CCDC178: variants seen among roughly 807,000 people sequenced by gnomAD.
CCDC178 encodes the protein coiled-coil domain containing 178.
In CCDC178, 126 loss-of-function variants were observed where a neutral mutation model predicts 117.4. That is an observed-to-expected ratio of 1.07 (90% CI 0.93 to 1.24). CCDC178 has a LOEUF of 1.24. CCDC178 is among the 50% of genes most tolerant of loss of function. The pLI is 0.00. For missense variants in CCDC178, 1,030 were observed against 986.9 expected (o/e 1.04, Z -0.59); for synonymous variants, 283 against 313.4 (o/e 0.90, Z 1.02).
At chr18:33,279,955 G>C (rs1313168995) in intron 12 of CCDC178, among the ~76,000 whole-genome samples, 1 of 151,974 alleles carries the variant, frequency 6.6e-6, no homozygotes, top group Non-Finnish European at 1.5e-5. Flanking sequence ...ATTAATTAAA[G>C]ACGGATTAAA....
In CCDC178 at chr18:33,346,112, C is replaced by T. The variant is rs2062888912; in HGVS notation, c.658+99G>A. On this transcript the variant is annotated intron_variant, in intron 9 of 22. Transcript: ENST00000383096. ...AAAGCGTGGGATTACAGGCATGAGC[C>T]ATGGCACTAAGACAATTTTTTTAAA... 3 of 866,440 alleles carry T rather than the reference C, an allele frequency of 3.5e-6. No homozygotes were observed. The Admixed American group carries it at 8.1e-5, about 23-fold the overall frequency. The allele number at this position is 866,440 out of a possible 1,614,324, so 53.7% of individuals were successfully genotyped here.
intron 21 of CCDC178, among the ~76,000 whole-genome samples, chr18:32,988,029 A>T (rs2055300570): frequency 6.6e-6 from 1 of 151,390 alleles, no homozygotes; most frequent in South Asian, 2.1e-4. Flanking sequence ...GTGAGCGGAG[A>T]TTGTGCCATT....
At chr18:33,190,412 C>A (rs938927049) in intron 20 of CCDC178, among the ~76,000 whole-genome samples, 2 of 152,142 alleles carry the variant, frequency 1.3e-5, no homozygotes, top group Non-Finnish European at 2.9e-5. Context: ...GAGGCCCACA[C>A]TATTGAGCAG....
chr18:33,190,123 C>A (rs2058840465), intron 20 of CCDC178, among the ~76,000 whole-genome samples: 1 of 152,144 alleles, frequency 6.6e-6, no homozygotes, highest in Non-Finnish European at 1.5e-5. Context: ...TGAGCCCCCG[C>A]TTCATGGTTC....
Position 33,121,497 on chromosome 18 carries a change from T to TA in CCDC178, c.2239-28588dup, listed in dbSNP as rs2057936983. On this transcript the variant is annotated intron_variant, in intron 20 of 22. Coordinates refer to ENST00000383096, the MANE Select transcript of CCDC178 (RefSeq NM_001105528.4). ...CTACAGAAATCAACATAGACACAGATATAGACATAGACATGGATCGATATT... is the reference window on the plus strand; with the variant it reads ...CTACAGAAATCAACATAGACACAGATAATAGACATAGACATGGATCGATATT... Among the ~76,000 whole-genome samples, 5 of 152,284 alleles carry TA rather than the reference T, an allele frequency of 3.3e-5. No homozygotes were observed. The South Asian group carries it at 8.3e-4, about 25-fold the overall frequency.
intron 21 of CCDC178, among the ~76,000 whole-genome samples, chr18:33,007,814 A>T (rs1411750211): frequency 1.3e-5 from 2 of 152,144 alleles, no homozygotes; most frequent in African/African-American, 2.4e-5. Context: ...ACAAGGGCTG[A>T]ATTTTTCACC....
intron 21 of CCDC178, among the ~76,000 whole-genome samples, chr18:33,033,255 G>T (rs1440284637): frequency 6.6e-6 from 1 of 152,038 alleles, no homozygotes; most frequent in Non-Finnish European, 1.5e-5. Context: ...TTAAATTTTG[G>T]TTTTTGTAGA....
chr18:32,966,065 T>A (rs1250333937), intron 22 of CCDC178, among the ~76,000 whole-genome samples: 1 of 151,334 alleles, frequency 6.6e-6, no homozygotes, highest in African/African-American at 2.4e-5. Flanking sequence ...TACAACATTT[T>A]ATATTTTAAA....
chr18:33,040,630 T>A (rs1386953543), intron 21 of CCDC178, among the ~76,000 whole-genome samples: 1 of 151,848 alleles, frequency 6.6e-6, no homozygotes, highest in Non-Finnish European at 1.5e-5. Context: ...CTCCAAGCCA[T>A]TTAGGAAGGA....
chr18:33,058,195 C>T (rs970271445), intron 21 of CCDC178, among the ~76,000 whole-genome samples: 7 of 152,216 alleles, frequency 4.6e-5, no homozygotes, highest in Middle Eastern at 3.4e-3. Context: ...TACACAAAGA[C>T]ATGAATGTTG....
chr18:33,114,392 T>G (rs897018926), intron 20 of CCDC178, among the ~76,000 whole-genome samples: 1 of 151,826 alleles, frequency 6.6e-6, no homozygotes, highest in Non-Finnish European at 1.5e-5. Context: ...GAACTTGGGG[T>G]CTGTAAGGAA....
At chr18:33,263,249 G>A (rs1035750104) in intron 14 of CCDC178, among the ~76,000 whole-genome samples, 1 of 152,098 alleles carries the variant, frequency 6.6e-6, no homozygotes, top group African/African-American at 2.4e-5. Flanking sequence ...TAGAGATGAA[G>A]TGGGAGTTTT....
chr18:33,220,906 C>T (rs1023059123), intron 18 of CCDC178, among the ~76,000 whole-genome samples: 2 of 151,912 alleles, frequency 1.3e-5, no homozygotes, highest in Non-Finnish European at 2.9e-5. Flanking sequence ...TTCTAGTGTG[C>T]GAGAAGTGCC....
chr18:33,244,101 T>TG (rs1050207802), intron 15 of CCDC178, among the ~76,000 whole-genome samples: 3 of 151,948 alleles, frequency 2.0e-5, no homozygotes, highest in Non-Finnish European at 4.4e-5. Context: ...GGATTCAATG[T>TG]GGGAAAAACA....
intron 20 of CCDC178, among the ~76,000 whole-genome samples, chr18:33,112,329 G>C (rs2057794780): frequency 2.0e-5 from 3 of 151,804 alleles, no homozygotes; most frequent in South Asian, 2.1e-4. Flanking sequence ...AATTTTGTTA[G>C]ATAAAGTAAC....
At chr18:33,208,965 G>A (rs1263101765) in intron 20 of CCDC178, among the ~76,000 whole-genome samples, 1 of 151,980 alleles carries the variant, frequency 6.6e-6, no homozygotes, top group Admixed American at 6.6e-5. Flanking sequence ...AGAGGGGACA[G>A]CAAATCTATG....
chr18:33,091,821 T>C lies in CCDC178; in HGVS notation c.2388+940A>G, dbSNP rs201055993. On this transcript the variant is annotated intron_variant, in intron 21 of 22. Coordinates refer to ENST00000383096, the MANE Select transcript of CCDC178 (RefSeq NM_001105528.4). The stretch of plus-strand genomic sequence containing the variant: ...AGTAACTTATTATGAATGGCTCTTT[T>C]TTATTACTTACAAAGTACTCTGTGA... Among the ~76,000 whole-genome samples, 16 of 152,262 alleles carry C rather than the reference T, an allele frequency of 1.1e-4. No homozygotes were observed. In the East Asian group the frequency reaches 1.9e-3, roughly 18 times the overall value.
intron 10 of CCDC178, among the ~76,000 whole-genome samples, chr18:33,328,453 C>A (rs2062618843): frequency 6.6e-6 from 1 of 151,920 alleles, no homozygotes; most frequent in African/African-American, 2.4e-5. Flanking sequence ...ATATTTATGT[C>A]TTTGATTCAT....
intron 21 of CCDC178, among the ~76,000 whole-genome samples, chr18:32,980,510 G>T (rs2055130129): frequency 7.4e-6 from 1 of 135,040 alleles, no homozygotes; most frequent in South Asian, 2.5e-4. Flanking sequence ...GGCGGAGCTT[G>T]CAGTGAGCGG....
Sources: gnomAD v4.1 joint callset for allele counts (sites outside exome capture counted in the v4.1 genomes callset) on GRCh38, gnomAD v4.1.1 for gene constraint, MANE v1.5 for transcripts, NCBI Gene and HGNC (gene_info 2026-07-23, HGNC 2026-07-21) for gene names.